Variants in AXDND1 observed in about 807,000 individuals in gnomAD.
AXDND1 encodes axonemal dynein light chain domain containing 1.
A neutral mutation model predicts 137.5 loss-of-function variants in AXDND1; 110 were observed. That is an observed-to-expected ratio of 0.80 (90% confidence interval 0.69 to 0.94). The LOEUF (loss-of-function observed/expected upper bound fraction) is 0.94, where lower values mean the gene tolerates loss of function less well. Ranked by LOEUF, AXDND1 falls within the 40% of genes least tolerant of loss-of-function variation. AXDND1 has a pLI of 0.00. For synonymous variants in AXDND1, 414 were observed against 399.7 expected, an observed-to-expected ratio of 1.04 and a Z score of -0.43; for missense variants, 1,191 against 1,169.8, an observed-to-expected ratio of 1.02 and a Z score of -0.26.
At position 179,456,988 on chromosome 1, in the gene AXDND1, A is replaced by C. The variant is rs1235739161; in HGVS notation, c.1799-11455A>C. The stretch of plus-strand genomic sequence containing the variant: ...AATAATCTCTTAGGTGATGTTCTTC[A>C]GTGTCTTCTTTAATGCCACCAACAA... On this transcript the variant is annotated intron_variant, in intron 16 of 25. Transcript: ENST00000367618. The C allele has an allele frequency of 1.9e-6, 3 of 1,567,172 alleles. No individual in the cohort carries two copies. The African/African-American group carries it at 4.0e-5, about 21-fold the overall frequency.
intron 15 of AXDND1, among the ~76,000 whole-genome samples, chr1:179,433,888 G>A (rs1002533190): frequency 6.6e-6 from 1 of 152,180 alleles, no homozygotes; most frequent in Non-Finnish European, 1.5e-5. Context: ...ATCCAGAGCT[G>A]AGTTCAAGTC....
intron 6 of AXDND1, among the ~76,000 whole-genome samples, chr1:179,380,258 A>T (rs1324894344): frequency 6.6e-6 from 1 of 152,086 alleles, no homozygotes; most frequent in African/African-American, 2.4e-5. Context: ...CAAAAAAAAA[A>T]TACATAAATG....
At chr1:179,392,075 C>T (rs573657451) in intron 9 of AXDND1, among the ~76,000 whole-genome samples, 26 of 152,226 alleles carry the variant, frequency 1.7e-4, no homozygotes, top group Non-Finnish European at 2.4e-4. Flanking sequence ...ACCCATCACC[C>T]GCTGAGCAGT....
intron 1 of AXDND1, 72 bp from the exon 2 acceptor site, chr1:179,366,332 C>T: frequency 1.9e-6 from 1 of 518,638 alleles, no homozygotes; most frequent in Non-Finnish European, 3.4e-6. Context: ...TTCTAAACTG[C>T]GATCTGAACC....
chr1:179,388,431 C>T (rs1345750733), intron 9 of AXDND1, among the ~76,000 whole-genome samples: 1 of 152,148 alleles, frequency 6.6e-6, no homozygotes, highest in Non-Finnish European at 1.5e-5. Flanking sequence ...TAGATATTCT[C>T]ATTCTGTCTT....
chr1:179,395,777 G>C (rs2125145354), intron 11 of AXDND1, among the ~76,000 whole-genome samples: 1 of 152,264 alleles, frequency 6.6e-6, no homozygotes, highest in Middle Eastern at 3.4e-3. Flanking sequence ...AAGCATTATA[G>C]TGAGTACTCA....
Position 179,444,973 on chromosome 1 carries a change from C to T in AXDND1, c.1567C>T (p.Leu523=), listed in dbSNP as rs7514122. The T allele has an allele frequency of 4.7e-3, 7,432 of 1,593,324 alleles. 239 individuals are homozygous for T. In the African/African-American group the frequency reaches 0.08, roughly 17 times the overall value. The change falls in exon 16 of 26, where the codon CTG becomes TTG. Residue 523 remains leucine (L), a synonymous_variant. Coordinates refer to ENST00000367618, the MANE Select transcript of AXDND1 (RefSeq NM_144696.6). The part of the protein sequence containing the change: ...LLDFKQWQKI[L]NEKKEEFTGD... ...CCCTCTTCCTTTCACTCTTTAGATC[C>T]TGAATGAGAAAAAAGAAGAGTTTAC...
At chr1:179,446,210 T>C (rs1659709338) in intron 16 of AXDND1, among the ~76,000 whole-genome samples, 1 of 152,148 alleles carries the variant, frequency 6.6e-6, no homozygotes, top group Non-Finnish European at 1.5e-5. Context: ...ATAACATGTA[T>C]AGAAAGAAAA....
chr1:179,471,176 T>C (rs912735050), intron 17 of AXDND1, among the ~76,000 whole-genome samples: 2 of 152,196 alleles, frequency 1.3e-5, no homozygotes, highest in African/African-American at 4.8e-5. Context: ...ATAAGAGACA[T>C]TGGTCTATTT....
chr1:179,374,824 G>T (rs1166705117), intron 4 of AXDND1, among the ~76,000 whole-genome samples: 1 of 142,478 alleles, frequency 7.0e-6, no homozygotes. Context: ...GGGGCCTGTC[G>T]TGGGATGGGG....
Position 179,552,830 on chromosome 1 carries a change from G to T in AXDND1, c.3032-1682G>T, listed in dbSNP as rs1419653601. 3 of 695,470 alleles carry T rather than the reference G, an allele frequency of 4.3e-6. No homozygotes were observed. The East Asian group carries it at 8.2e-5, about 19-fold the overall frequency. 43.1% of individuals were successfully genotyped at this position (695,470 alleles called of 1,614,324 possible). A position where few individuals can be genotyped will look rare whatever the true frequency, so the allele number is the denominator to read the frequency against. Reference sequence around the variant, plus strand: ...AGTGTGCCATTCCTAGACTTCTGAGGTCAAAAGTAGGCAGATCTCCAAGGT... The same window carrying T: ...AGTGTGCCATTCCTAGACTTCTGAGTTCAAAAGTAGGCAGATCTCCAAGGT... On this transcript the variant is annotated intron_variant, in intron 25 of 25. Coordinates refer to ENST00000367618, the MANE Select transcript of AXDND1 (RefSeq NM_144696.6).
chr1:179,508,724 T>A (rs956578368), intron 20 of AXDND1, among the ~76,000 whole-genome samples: 11 of 151,992 alleles, frequency 7.2e-5, no homozygotes, highest in East Asian at 1.9e-4. Context: ...TTTTTTTTTT[T>A]AGTGGTTAAG....
chr1:179,495,776 A>T (rs11809459), intron 20 of AXDND1, among the ~76,000 whole-genome samples: 14,089 of 151,796 alleles, frequency 0.093, 911 homozygotes, highest in African/African-American at 0.17. Context: ...GCCTTGGTCC[A>T]TCTTAGGGAA....
At chr1:179,551,132 T>A in intron 25 of AXDND1, 1 of 1,612,488 alleles carries the variant, frequency 6.2e-7, no homozygotes, top group Non-Finnish European at 8.5e-7. Flanking sequence ...GTGACTTTTC[T>A]ATGGCAGGCC....
At chr1:179,517,424 G>C (rs142776140) in intron 21 of AXDND1, among the ~76,000 whole-genome samples, 1 of 152,334 alleles carries the variant, frequency 6.6e-6, no homozygotes, top group East Asian at 1.9e-4. Context: ...CCCCTGTGGA[G>C]TCTGTACACT....
At chr1:179,530,813 C>T (rs1463381730) in intron 23 of AXDND1, among the ~76,000 whole-genome samples, 3 of 152,168 alleles carry the variant, frequency 2.0e-5, no homozygotes, top group Non-Finnish European at 4.4e-5. Context: ...CACATTCTTC[C>T]TGTGGAATGG....
Position 179,456,726 on chromosome 1 carries a change from C to A in AXDND1, c.1798+11522C>A, listed in dbSNP as rs879171719. 1.3e-4 allele frequency: 101 copies of A among 783,456 alleles called. 1 individual carries two copies. In the South Asian group the frequency reaches 1.3e-3, roughly 10 times the overall value. The allele number at this position is 783,456 out of a possible 1,614,324, so 48.5% of individuals were successfully genotyped here. A position where few individuals can be genotyped will look rare whatever the true frequency, so the allele number is the denominator to read the frequency against. On this transcript the variant is annotated intron_variant, in intron 16 of 25. Coordinates refer to ENST00000367618, the MANE Select transcript of AXDND1 (RefSeq NM_144696.6). ...ATTCCCACTGAAACCACCTCCATGA[C>A]CACCACCAAAGTTTCCAGAACTACT...
At chr1:179,481,150 C>G (rs1231859406) in intron 17 of AXDND1, among the ~76,000 whole-genome samples, 4 of 152,066 alleles carry the variant, frequency 2.6e-5, no homozygotes, top group African/African-American at 4.8e-5. Context: ...CACCCCACAA[C>G]AGGCCCTGGT....
rs374278402 is a variant in AXDND1, at chr1:179,432,304, T to A, written c.1525T>A (p.Phe509Ile). The A allele has an allele frequency of 2.4e-5, 37 of 1,572,716 alleles. No homozygotes were observed. The highest frequency in any genetic ancestry group is 3.1e-5 in the Non-Finnish European group (36 of 1,157,086). ...DILSPNKGNI[F>I]NSVLLDFKQW... ...TTTATCCCCTAATAAGGGAAATATA[T>A]TTAATTCAGTTCTTTTAGACTTCAA... The change falls in exon 15 of 26, where the codon TTT becomes ATT. Residue 509 changes from phenylalanine (F) to isoleucine (I), a missense_variant. Physicochemically the swap from Phe to Ile is conservative, Grantham distance 21. Transcript: ENST00000367618.
Sources: gnomAD v4.1 joint callset for allele counts (sites outside exome capture counted in the v4.1 genomes callset) on GRCh38, gnomAD v4.1.1 for gene constraint, MANE v1.5 for transcripts, NCBI Gene and HGNC (gene_info 2026-07-23, HGNC 2026-07-21) for gene names.